NAV1: variants seen among roughly 807,000 people sequenced by gnomAD.
NAV1 encodes the protein pore membrane and/or filament interacting like protein 3.
Under a neutral mutation model 175.2 loss-of-function variants are expected in NAV1, and 18 were observed. The ratio of observed to expected loss-of-function variants is 0.10; its 90% CI spans 0.07 to 0.15. The LOEUF (loss-of-function observed/expected upper bound fraction) is 0.15. NAV1 is among the 10% of genes least tolerant of loss of function. NAV1 has a pLI of 1.00. For missense variants in NAV1, 1,731 were observed against 2,436.6 expected, an observed-to-expected ratio of 0.71 and a Z score of 6.10; for synonymous variants, 897 against 978.7, an observed-to-expected ratio of 0.92 and a Z score of 1.56.
rs772481937 is a variant in NAV1 at position 201,808,147 on chromosome 1, C to T, written c.3843C>T (p.Thr1281=). The change falls in exon 18 of 30, where the codon ACC becomes ACT. Residue 1281 remains threonine, a splice_region_variant and synonymous_variant. Transcript: ENST00000367296. This position sits in a 1 kb window ranked among gnomAD's most constrained non-coding sequence, Gnocchi z 5.5. ...CGTCCTCCGTGGGCACTGATGTCAC[C>T]GAGTAAGTGCTCTTTGGCTCCCTGC... 1.4e-5 allele frequency: 22 copies of T among 1,613,996 alleles called. No homozygotes were observed. The highest frequency in any genetic ancestry group is 3.3e-5 in the Admixed American group (2 of 60,016).
chr1:201,541,996 G>A lies in NAV1; in HGVS notation c.-144+2654G>A, dbSNP rs552684959. Among the ~76,000 whole-genome samples the A allele has an allele frequency of 8.1e-4, 124 of 152,198 alleles. 1 individual carries two copies. The highest frequency in any genetic ancestry group is 2.9e-3 in the African/African-American group (121 of 41,528). Reference sequence around the variant, plus strand: ...TAAAGTTCTTTTGACTTCTTGAAGGGTTTGGCCTTTAAGAAAAACCAGAAT... The same window carrying A: ...TAAAGTTCTTTTGACTTCTTGAAGGATTTGGCCTTTAAGAAAAACCAGAAT... On this transcript the variant is annotated intron_variant, in intron 1 of 33. Coordinates refer to the NAV1 transcript ENST00000685211.
Position 201,810,087 on chromosome 1 carries a change from A to G in NAV1, c.4543A>G (p.Ile1515Val), listed in dbSNP as rs1020634140. 4 of 1,613,818 alleles carry G rather than the reference A, an allele frequency of 2.5e-6. No individual in the cohort carries two copies. Among genetic ancestry groups the G allele is most frequent in the South Asian group, 1.1e-5 (1 of 91,042 alleles). The stretch of plus-strand genomic sequence containing the variant: ...TCCTTGCCGTCGAGGTGTCAATAAC[A>G]TATCAGTCTCCCTCAAAGGTCAGTC... The change falls in exon 23 of 30, where the codon ATA becomes GTA. Residue 1515 changes from isoleucine (I) to valine (V), a missense_variant. By Grantham distance (29) the Ile-to-Val change is conservative. Transcript: ENST00000367296. The surrounding 1 kb of genome is among the most constrained non-coding windows in gnomAD (Gnocchi z 6.0).
In NAV1 at chr1:201,809,436, T is replaced by C; in HGVS notation, c.4306-6T>C. 6.2e-7 allele frequency: 1 copy of C among 1,613,866 alleles called. No homozygotes were observed. Among genetic ancestry groups the C allele is most frequent in the Non-Finnish European group, 8.5e-7 (1 of 1,179,910 alleles). On this transcript the variant is annotated splice_region_variant and splice_polypyrimidine_tract_variant and intron_variant, in intron 21 of 29. Transcript: ENST00000367296. Reference sequence around the variant, plus strand: ...CTCAAGAGCTTTTCCTTCCTTGGCCTTACAGGACTTGAAGCAGCAGGAATT... The same window carrying C: ...CTCAAGAGCTTTTCCTTCCTTGGCCCTACAGGACTTGAAGCAGCAGGAATT...
exon 30 of NAV1, chr1:201,821,700 C>T (rs1679390953): frequency 6.6e-6 from 1 of 152,136 alleles, no homozygotes; most frequent in Non-Finnish European, 1.5e-5. Context: ...ATTAGATGTA[C>T]AATACATTGG....
intron 1 of NAV1, among the ~76,000 whole-genome samples, chr1:201,706,110 C>T (rs1308789556): frequency 6.6e-6 from 1 of 152,192 alleles, no homozygotes; most frequent in Admixed American, 6.5e-5. Context: ...ACGTTTGACT[C>T]ATTGTAAGCA....
At chr1:201,613,347 CAAAT>C (rs1667909630) in intron 2 of NAV1, among the ~76,000 whole-genome samples, 1 of 150,482 alleles carries the variant, frequency 6.6e-6, no homozygotes, top group South Asian at 2.1e-4. Flanking sequence ...TATTTGTACT[CAAAT>C]AAGAAAACAT....
At chr1:201,615,627 T>G (rs531457886) in intron 2 of NAV1, among the ~76,000 whole-genome samples, 5 of 152,348 alleles carry the variant, frequency 3.3e-5, no homozygotes, top group African/African-American at 9.6e-5. Flanking sequence ...TTATCTTTAC[T>G]CTTTCATTGC....
intron 1 of NAV1, among the ~76,000 whole-genome samples, chr1:201,587,135 T>C (rs2102205347): frequency 6.6e-6 from 1 of 151,842 alleles, no homozygotes; most frequent in East Asian, 2.0e-4. Context: ...GGCTTGAGCA[T>C]GGGAAATTGA....
chr1:201,738,562 T>A (rs1673215549), intron 3 of NAV1, among the ~76,000 whole-genome samples: 1 of 152,114 alleles, frequency 6.6e-6, no homozygotes, highest in South Asian at 2.1e-4. Flanking sequence ...CTGGGGGGCT[T>A]GGGAAAGGAT....
rs964594554 is a variant in NAV1 at position 201,679,831 on chromosome 1, G to A, written c.757+30406G>A. On this transcript the variant is annotated intron_variant, in intron 1 of 29. Transcript: ENST00000367296. ...GAGGGATGTGGGGCATGGAGCATAG[G>A]TTTGTCATTCCTATATAAATCATAA... Among the ~76,000 whole-genome samples the A allele has an allele frequency of 4.6e-4, 70 of 152,246 alleles. No individual in the cohort carries two copies. In the Middle Eastern group the frequency reaches 0.01, roughly 22 times the overall value.
intron 1 of NAV1, among the ~76,000 whole-genome samples, chr1:201,696,195 G>A (rs1233533613): frequency 3.3e-5 from 5 of 152,196 alleles, no homozygotes; most frequent in Admixed American, 2.0e-4. Context: ...GGGGTTGGGA[G>A]AGGATGGGAG....
intron 1 of NAV1, among the ~76,000 whole-genome samples, chr1:201,660,418 G>A (rs1481039390): frequency 6.6e-6 from 1 of 152,180 alleles, no homozygotes; most frequent in Non-Finnish European, 1.5e-5. Flanking sequence ...GGGCTCCTAG[G>A]AGCACCAGCG....
intron 1 of NAV1, among the ~76,000 whole-genome samples, chr1:201,578,243 T>A (rs561763): frequency 0.1 from 15,350 of 152,196 alleles, 1,051 homozygotes; most frequent in African/African-American, 0.19. Context: ...CTTCCAGTTC[T>A]CTGATTGTTC....
chr1:201,751,463 C>T (rs918501931), intron 3 of NAV1, among the ~76,000 whole-genome samples: 1 of 152,154 alleles, frequency 6.6e-6, no homozygotes, highest in African/African-American at 2.4e-5. Flanking sequence ...AGTTGAGAGG[C>T]ACATAATGGG....
chr1:201,734,477 G>A (rs75710159), intron 3 of NAV1, among the ~76,000 whole-genome samples: 1 of 139,274 alleles, frequency 7.2e-6, no homozygotes, highest in South Asian at 2.5e-4. Flanking sequence ...GGAAGAGGAG[G>A]AGGAGGAGGA....
At chr1:201,608,668 G>C (rs535421163) in intron 2 of NAV1, among the ~76,000 whole-genome samples, 1 of 152,290 alleles carries the variant, frequency 6.6e-6, no homozygotes, top group East Asian at 1.9e-4. Context: ...TGGGCCTTGG[G>C]CAGCTACGCC....
chr1:201,789,706 A>G, intron 10 of NAV1, 34 bp from the exon 15 acceptor site: 1 of 1,610,384 alleles, frequency 6.2e-7, no homozygotes, highest in Middle Eastern at 1.7e-4. Context: ...CCTGGAACCC[A>G]CTGTTAACTC....
At chr1:201,597,469 C>T (rs1276156728) in intron 2 of NAV1, among the ~76,000 whole-genome samples, 1 of 152,372 alleles carries the variant, frequency 6.6e-6, no homozygotes, top group African/African-American at 2.4e-5. Context: ...GTGCAAACTA[C>T]AGACTATCAC....
At chr1:201,639,079 G>T (rs1311853434) in intron 2 of NAV1, among the ~76,000 whole-genome samples, 1 of 152,230 alleles carries the variant, frequency 6.6e-6, no homozygotes, top group Non-Finnish European at 1.5e-5. Flanking sequence ...CTTGAGGGGA[G>T]AATTGGATTT....
Sources: allele counts gnomAD v4.1 joint callset (sites outside exome capture counted in the v4.1 genomes callset), GRCh38; gene constraint gnomAD v4.1.1; non-coding constraint Gnocchi (gnomAD v3.1); transcripts MANE v1.5; gene names NCBI Gene and HGNC (gene_info 2026-07-23, HGNC 2026-07-21).